Variants in KCNJ6 observed in about 807,000 individuals in gnomAD.
KCNJ6 encodes potassium inwardly rectifying channel subfamily J member 6.
Under a neutral mutation model 34.2 loss-of-function variants are expected in KCNJ6, and 9 were observed. The observed-to-expected ratio is 0.26, with a 90% CI of 0.16 to 0.46. The LOEUF is 0.46. KCNJ6 is among the 20% of genes least tolerant of loss of function. The pLI, the probability that KCNJ6 is intolerant of heterozygous loss-of-function variation, is 1.00. For synonymous variants in KCNJ6, 196 were observed against 207.1 expected (o/e 0.95, Z 0.46); for missense variants, 236 against 531.3 (o/e 0.44, Z 5.46).
chr21:37,843,622 G>A (rs1461355284), intron 1 of KCNJ6, among the ~76,000 whole-genome samples: 1 of 152,168 alleles, frequency 6.6e-6, no homozygotes, highest in Non-Finnish European at 1.5e-5. Context: ...TTTCCTGGTT[G>A]TTGGATTTAC....
At position 37,659,406 on chromosome 21, in the gene KCNJ6, G is replaced by T. The variant is rs148192213; in HGVS notation, c.947-33922C>A. ...TGATGTGGTGGAGTAGGGGCCTGTG[G>T]CAACCCCTCACACATGGCAGGTCCT... On this transcript the variant is annotated intron_variant, in intron 3 of 3. Coordinates refer to ENST00000609713, the MANE Select transcript of KCNJ6 (RefSeq NM_002240.5). 1.8e-4 allele frequency among the ~76,000 whole-genome samples: 27 copies of T among 152,316 alleles called. No individual in the cohort carries two copies. The East Asian group carries it at 5.0e-3, about 28-fold the overall frequency.
chr21:37,710,182 A>G lies in KCNJ6; in HGVS notation c.946+4029T>C, dbSNP rs190789839. On this transcript the variant is annotated intron_variant, in intron 3 of 3. Coordinates refer to ENST00000609713, the MANE Select transcript of KCNJ6 (RefSeq NM_002240.5). ...TCAAACAAGCTGATTGTAAATATAA[A>G]AAACAGTGACATGTAAGAGACGATT... Among the ~76,000 whole-genome samples, 500 of 152,360 alleles carry G rather than the reference A, an allele frequency of 3.3e-3. 1 individual carries two copies. The highest frequency in any genetic ancestry group is 0.011 in the African/African-American group (476 of 41,578).
chr21:37,826,173 T>C (rs1215294948), intron 2 of KCNJ6, among the ~76,000 whole-genome samples: 2 of 151,772 alleles, frequency 1.3e-5, no homozygotes. Flanking sequence ...GCTTTAGTGT[T>C]GAGGTACCCT....
At chr21:37,679,458 G>A (rs1021272843) in intron 3 of KCNJ6, among the ~76,000 whole-genome samples, 1 of 152,242 alleles carries the variant, frequency 6.6e-6, no homozygotes, top group African/African-American at 2.4e-5. Flanking sequence ...GGAGCAGTAA[G>A]GATTTTGTGA....
intron 2 of KCNJ6, among the ~76,000 whole-genome samples, chr21:37,760,744 G>A (rs1293380717): frequency 6.6e-6 from 1 of 152,170 alleles, no homozygotes; most frequent in African/African-American, 2.4e-5. Flanking sequence ...GATGTGGTGT[G>A]GTCTCCTGGC....
chr21:37,837,925 CAT>C (rs1159003467), intron 2 of KCNJ6, among the ~76,000 whole-genome samples: 1 of 152,196 alleles, frequency 6.6e-6, no homozygotes, highest in African/African-American at 2.4e-5. Flanking sequence ...ATGTTGACCA[CAT>C]GATTAGCATT....
chr21:37,633,483 A>T (rs1402566836), intron 3 of KCNJ6, among the ~76,000 whole-genome samples: 1 of 67,420 alleles, frequency 1.5e-5, no homozygotes, highest in Non-Finnish European at 2.9e-5. Context: ...GCCAGTAAAA[A>T]TAAGATAAAT....
At position 37,759,259 on chromosome 21, in the gene KCNJ6, G is replaced by A. The variant is rs374163206; in HGVS notation, c.26-44128C>T. ...CACAGGGCCTCTGTCTTTCCCTTGC[G>A]CTTTGAGGTTTCTCTGGGTGCCTCA... is the stretch of plus-strand genomic sequence containing the variant. On this transcript the variant is annotated intron_variant, in intron 2 of 3. Coordinates refer to ENST00000609713, the MANE Select transcript of KCNJ6 (RefSeq NM_002240.5). Among the ~76,000 whole-genome samples, 6 of 152,258 alleles carry A rather than the reference G, an allele frequency of 3.9e-5. No individual in the cohort carries two copies. In the East Asian group the frequency reaches 9.7e-4, roughly 25 times the overall value.
chr21:37,855,509 T>G (rs1326604269), intron 1 of KCNJ6, among the ~76,000 whole-genome samples: 1 of 152,240 alleles, frequency 6.6e-6, no homozygotes, highest in African/African-American at 2.4e-5. Flanking sequence ...TCATGGAAGA[T>G]GGATTTGCAT....
chr21:37,800,823 C>T (rs1037586537), intron 2 of KCNJ6, among the ~76,000 whole-genome samples: 3 of 152,170 alleles, frequency 2.0e-5, no homozygotes, highest in Admixed American at 1.3e-4. Flanking sequence ...TCCCAACCTC[C>T]CAGCCCATGA....
intron 2 of KCNJ6, among the ~76,000 whole-genome samples, chr21:37,784,584 C>A (rs912493194): frequency 6.6e-6 from 1 of 152,170 alleles, no homozygotes; most frequent in African/African-American, 2.4e-5. Flanking sequence ...TAGCATGGGG[C>A]CTTTCCTAGC....
intron 2 of KCNJ6, among the ~76,000 whole-genome samples, chr21:37,788,202 C>T (rs1459157732): frequency 1.3e-5 from 2 of 152,116 alleles, no homozygotes; most frequent in Non-Finnish European, 2.9e-5. Flanking sequence ...AAATTATATT[C>T]TTCAAAGTAC....
chr21:37,787,374 C>T (rs1017160650), intron 2 of KCNJ6, among the ~76,000 whole-genome samples: 1 of 152,116 alleles, frequency 6.6e-6, no homozygotes, highest in African/African-American at 2.4e-5. Flanking sequence ...AGTGATGCCC[C>T]ATGACACCTT....
chr21:37,806,883 T>G (rs1293214801), intron 2 of KCNJ6, among the ~76,000 whole-genome samples: 2 of 152,246 alleles, frequency 1.3e-5, no homozygotes, highest in Non-Finnish European at 2.9e-5. Flanking sequence ...TTCAGTTTTT[T>G]TCAGTGAAGT....
rs2055525849 is a variant in KCNJ6, at chr21:37,849,282, ACT to A, written c.-27-8575_-27-8574del. Among the ~76,000 whole-genome samples, 4 of 151,784 alleles carry A rather than the reference ACT, an allele frequency of 2.6e-5. No homozygotes were observed. In the South Asian group the frequency reaches 8.4e-4, roughly 32 times the overall value. On this transcript the variant is annotated intron_variant, in intron 1 of 3. Coordinates refer to ENST00000609713, the MANE Select transcript of KCNJ6 (RefSeq NM_002240.5). Reference sequence around the variant, plus strand: ...GCAGGAATTTCCTGTTGGTCTCATGACTCTCAATCTATGGCCTCTTTTGTGGT... The same window carrying A: ...GCAGGAATTTCCTGTTGGTCTCATGACTCAATCTATGGCCTCTTTTGTGGT...
chr21:37,738,793 G>A (rs1329529813), intron 2 of KCNJ6, among the ~76,000 whole-genome samples: 1 of 152,200 alleles, frequency 6.6e-6, no homozygotes, highest in Non-Finnish European at 1.5e-5. Context: ...GGATAATGCT[G>A]TTGAAAACAC....
chr21:37,694,436 T>G (rs1450045089), intron 3 of KCNJ6, among the ~76,000 whole-genome samples: 1 of 152,198 alleles, frequency 6.6e-6, no homozygotes, highest in East Asian at 1.9e-4. Flanking sequence ...TGCCTGACTG[T>G]GGAATAAGAA....
intron 2 of KCNJ6, among the ~76,000 whole-genome samples, chr21:37,774,406 T>C (rs1419997810): frequency 6.6e-6 from 1 of 152,110 alleles, no homozygotes; most frequent in Non-Finnish European, 1.5e-5. Flanking sequence ...TGTGCGGGTT[T>C]GTTACATATG....
chr21:37,791,035 C>G lies in KCNJ6; in HGVS notation c.25+49623G>C, dbSNP rs151246727. Among the ~76,000 whole-genome samples, 689 of 152,278 alleles carry G rather than the reference C, an allele frequency of 4.5e-3. 4 individuals are homozygous for G. The highest frequency in any genetic ancestry group is 5.0e-3 in the Non-Finnish European group (337 of 68,026). ...TTACCATCTATTTTTAAATTTGTCT[C>G]ACAATCCAGCTGGGCGCTTCATCCC... On this transcript the variant is annotated intron_variant, in intron 2 of 3. Coordinates refer to ENST00000609713, the MANE Select transcript of KCNJ6 (RefSeq NM_002240.5).
Sources: gnomAD v4.1 joint callset for allele counts (sites outside exome capture counted in the v4.1 genomes callset) on GRCh38, gnomAD v4.1.1 for gene constraint, MANE v1.5 for transcripts, NCBI Gene and HGNC (gene_info 2026-07-23, HGNC 2026-07-21) for gene names.